ARID3B: variants seen among roughly 807,000 people sequenced by gnomAD.
The protein encoded by ARID3B is AT-rich interaction domain 3B.
Under a neutral mutation model 51.9 loss-of-function variants are expected in ARID3B, and 10 were observed. The observed-to-expected ratio is 0.19, with a 90% CI of 0.12 to 0.33. The LOEUF (loss-of-function observed/expected upper bound fraction) is 0.33. ARID3B is among the 10% of genes least tolerant of loss of function. The pLI is 1.00. For synonymous variants in ARID3B, 205 were observed against 279.5 expected (o/e 0.73, Z 2.66); for missense variants, 483 against 716.3 (o/e 0.67, Z 3.72).
intron 2 of ARID3B, among the ~76,000 whole-genome samples, chr15:74,547,861 G>C (rs540804620): frequency 5.4e-4 from 83 of 152,348 alleles, no homozygotes; most frequent in Non-Finnish European, 9.6e-4. Flanking sequence ...GGGTAAGGGA[G>C]GACAGGCATC....
chr15:74,558,924 C>G (rs2061668936), intron 2 of ARID3B, among the ~76,000 whole-genome samples: 2 of 152,164 alleles, frequency 1.3e-5, no homozygotes, highest in South Asian at 4.1e-4. Context: ...GAATTTGAAG[C>G]CTACATCTGT....
At chr15:74,559,426 G>C (rs2061670901) in intron 2 of ARID3B, among the ~76,000 whole-genome samples, 2 of 152,170 alleles carry the variant, frequency 1.3e-5, no homozygotes, top group African/African-American at 4.8e-5. Context: ...TTGTTTGCTT[G>C]TTTTCTTGTT....
rs191822708 is a variant in ARID3B at position 74,544,759 on chromosome 15, C to T, written c.552+271C>T. On this transcript the variant is annotated intron_variant, in intron 2 of 8. Transcript: ENST00000346246. ...AAGCTGGAGTGCAGTGGCATGATCT[C>T]GGCTCACTGCAACCTCCATCTCCCA... Among the ~76,000 whole-genome samples, 181 of 146,368 alleles carry T rather than the reference C, an allele frequency of 1.2e-3. 1 individual carries two copies. Among genetic ancestry groups the T allele is most frequent in the African/African-American group, 4.0e-3 (158 of 39,168 alleles).
rs1266849332 is a variant in ARID3B at position 74,595,776 on chromosome 15, G to A, written c.*2G>A. The A allele has an allele frequency of 2.6e-5, 41 of 1,601,896 alleles. No individual in the cohort carries two copies. The highest frequency in any genetic ancestry group is 3.4e-5 in the Non-Finnish European group (40 of 1,172,788). ...CCCTCCACCAGCTGGTCCCTCTGAT[G>A]GGCAGGACCCAGCTTCCCACTTGCC... On this transcript the variant is annotated 3_prime_UTR_variant, in exon 9 of 9. Transcript: ENST00000346246.
At chr15:74,578,249 C>A (rs1485660050) in intron 4 of ARID3B, among the ~76,000 whole-genome samples, 1 of 151,624 alleles carries the variant, frequency 6.6e-6, no homozygotes. Flanking sequence ...TCTCGGCTCA[C>A]TGCAACCTCC....
At chr15:74,590,047 A>G (rs773924440) in intron 5 of ARID3B, 44 bp downstream of exon 5, 9 of 1,544,508 alleles carry the variant, frequency 5.8e-6, no homozygotes, top group Middle Eastern at 1.7e-4. Context: ...GGCTGGAGAA[A>G]GGGGATGTTG....
chr15:74,553,207 G>A (rs1280806190), intron 2 of ARID3B, among the ~76,000 whole-genome samples: 1 of 152,210 alleles, frequency 6.6e-6, no homozygotes, highest in African/African-American at 2.4e-5. Context: ...ACTTTGTCCA[G>A]TTTCCCTATG....
chr15:74,573,101 G>GT, intron 3 of ARID3B, 31 bp from the exon 4 acceptor site: 5 of 1,612,138 alleles, frequency 3.1e-6, no homozygotes, highest in Non-Finnish European at 4.2e-6. Flanking sequence ...ATTTTTCACT[G>GT]TGTGTTTTTC....
intron 2 of ARID3B, among the ~76,000 whole-genome samples, chr15:74,571,861 T>C (rs1441234047): frequency 2.6e-5 from 4 of 152,168 alleles, no homozygotes; most frequent in Admixed American, 2.6e-4. Flanking sequence ...CCCAGCACTT[T>C]GGGAGGCCAA....
chr15:74,562,301 C>T (rs2061682089), intron 2 of ARID3B, among the ~76,000 whole-genome samples: 1 of 152,052 alleles, frequency 6.6e-6, no homozygotes, highest in African/African-American at 2.4e-5. Context: ...ACCACCACAC[C>T]CAGCTAATTT....
At position 74,595,890 on chromosome 15, in the gene ARID3B, T is replaced by C; in HGVS notation, c.*116T>C. 3 of 1,163,752 alleles carry C rather than the reference T, an allele frequency of 2.6e-6. No homozygotes were observed. The highest frequency in any genetic ancestry group is 3.6e-6 in the Non-Finnish European group (3 of 842,954). 72.1% of individuals were successfully genotyped at this position (1,163,752 alleles called of 1,614,324 possible). A position where few individuals can be genotyped will look rare whatever the true frequency, so the allele number is the denominator to read the frequency against. On this transcript the variant is annotated 3_prime_UTR_variant, in exon 9 of 9. Transcript: ENST00000346246. ...TCGACGAGCACCATTTGGCCAGACATTGAGAGTTTGGACGTGTCCGTCTGT... is the reference window on the plus strand; with the variant it reads ...TCGACGAGCACCATTTGGCCAGACACTGAGAGTTTGGACGTGTCCGTCTGT...
At chr15:74,577,003 A>G (rs1472650567) in intron 4 of ARID3B, among the ~76,000 whole-genome samples, 3 of 152,250 alleles carry the variant, frequency 2.0e-5, no homozygotes, top group Non-Finnish European at 4.4e-5. Context: ...GTCTGTAGAT[A>G]TAGCTGAGTT....
chr15:74,550,334 G>T (rs1596250262), intron 2 of ARID3B, among the ~76,000 whole-genome samples: 1 of 152,104 alleles, frequency 6.6e-6, no homozygotes, highest in African/African-American at 2.4e-5. Flanking sequence ...TGGCAGACTT[G>T]TTACCTAGTA....
In ARID3B at chr15:74,541,229, G is replaced by C. The variant is rs1369921653; in HGVS notation, c.-179G>C. On this transcript the variant is annotated 5_prime_UTR_variant, in exon 1 of 9. Coordinates refer to ENST00000346246, the MANE Select transcript of ARID3B (RefSeq NM_006465.4). ...CGCTTCCGGTGCGGGCCCCGCCCCG[G>C]CTGTGGCCCCCGGCTGCGGAGGAGT... 6.6e-6 allele frequency: 1 copy of C among 151,268 alleles called. No individual in the cohort carries two copies. The highest frequency in any genetic ancestry group is 1.9e-4 in the East Asian group (1 of 5,152). The allele number at this position is 151,268 out of a possible 1,614,324, so 9.4% of individuals were successfully genotyped here. A position where few individuals can be genotyped will look rare whatever the true frequency, so the allele number is the denominator to read the frequency against.
intron 4 of ARID3B, chr15:74,574,516 A>G (rs922302204): frequency 2.0e-5 from 3 of 147,096 alleles, no homozygotes; most frequent in Non-Finnish European, 4.5e-5. Context: ...CTTCCTCCCT[A>G]CTCCTTTACC....
chr15:74,597,319 C>A lies in ARID3B; in HGVS notation c.*1545C>A. ...AGAACACCACCACTGTGACATGGGG[C>A]TGTGGCAGTGGGAGACACCGCGCGT... On this transcript the variant is annotated 3_prime_UTR_variant, in exon 9 of 9. Coordinates refer to ENST00000346246, the MANE Select transcript of ARID3B (RefSeq NM_006465.4). 2.4e-6 allele frequency: 1 copy of A among 414,680 alleles called. No homozygotes were observed. Among genetic ancestry groups the A allele is most frequent in the South Asian group, 2.3e-5 (1 of 42,706 alleles). The allele number at this position is 414,680 out of a possible 1,614,324, so 25.7% of individuals were successfully genotyped here.
chr15:74,555,900 T>C (rs1596252610), intron 2 of ARID3B, among the ~76,000 whole-genome samples: 1 of 148,410 alleles, frequency 6.7e-6, no homozygotes, highest in Non-Finnish European at 1.5e-5. Context: ...CATGCCATTC[T>C]CCTGCCTCAG....
At chr15:74,595,169 C>T (rs1176202621) in intron 8 of ARID3B, among the ~76,000 whole-genome samples, 3 of 152,142 alleles carry the variant, frequency 2.0e-5, no homozygotes, top group Non-Finnish European at 4.4e-5. Context: ...CCTCAGCCCC[C>T]TGAGTAGCTG....
rs1596266763 is a variant in ARID3B at position 74,595,531 on chromosome 15, C to T, written c.1520-80C>T. On this transcript the variant is annotated intron_variant, in intron 8 of 8. Coordinates refer to ENST00000346246, the MANE Select transcript of ARID3B (RefSeq NM_006465.4). ...CGGAGTCAGGCACAGGCTAGGCCAGCGGTGAATACTTACTGAAAGGAGCTG... is the reference window on the plus strand; with the variant it reads ...CGGAGTCAGGCACAGGCTAGGCCAGTGGTGAATACTTACTGAAAGGAGCTG... The T allele has an allele frequency of 1.1e-5, 16 of 1,497,468 alleles. No homozygotes were observed. The South Asian group carries it at 1.8e-4, about 17-fold the overall frequency. The allele number at this position is 1,497,468 out of a possible 1,614,324, so 92.8% of individuals were successfully genotyped here.
Sources: allele counts gnomAD v4.1 joint callset (sites outside exome capture counted in the v4.1 genomes callset), GRCh38; gene constraint gnomAD v4.1.1; transcripts MANE v1.5; gene names NCBI Gene and HGNC (gene_info 2026-07-23, HGNC 2026-07-21).